Variants in PCSK5 observed in about 807,000 individuals in gnomAD.
PCSK5 encodes the protein proprotein convertase subtilisin/kexin type 5, also known as prohormone convertase 5.
In PCSK5, 129 loss-of-function variants were observed where a neutral mutation model predicts 233.2. The ratio of observed to expected loss-of-function variants is 0.55; its 90% confidence interval spans 0.48 to 0.64. PCSK5 has a LOEUF of 0.64. Among genes scored for constraint, PCSK5 ranks in the 30% least tolerant of loss-of-function variants. The pLI, the probability that PCSK5 is intolerant of heterozygous loss-of-function variation, is 0.00. For synonymous variants in PCSK5, 825 were observed against 879.2 expected (o/e 0.94, Z 1.09); for missense variants, 2,076 against 2,430.1 (o/e 0.85, Z 3.06).
intron 1 of PCSK5, among the ~76,000 whole-genome samples, 183 bp downstream of exon 1, chr9:75,891,556 CACACA>C (rs1825603083): frequency 1.3e-5 from 2 of 151,950 alleles, no homozygotes; most frequent in African/African-American, 4.8e-5. Flanking sequence ...CACACACACA[CACACA>C]CACCCCAGAG....
chr9:76,158,878 A>C, intron 11 of PCSK5, 105 bp from the exon 12 acceptor site: 6 of 902,526 alleles, frequency 6.6e-6, no homozygotes, highest in Non-Finnish European at 1.1e-5. Flanking sequence ...GTATCCAGCT[A>C]TCAGCTGCTT....
At chr9:76,297,003 TG>T in intron 27 of PCSK5, 138 bp downstream of exon 27, 1 of 639,556 alleles carries the variant, frequency 1.6e-6, no homozygotes. Context: ...AGAATCAAGT[TG>T]GGATCGTTCC....
At chr9:76,136,875 A>G in intron 10 of PCSK5, among the ~76,000 whole-genome samples, 1 of 152,090 alleles carries the variant, frequency 6.6e-6, no homozygotes, top group Admixed American at 6.6e-5. Flanking sequence ...TTTGGAGTTC[A>G]GACATCACTA....
At chr9:76,238,051 A>C (rs1055915354) in intron 22 of PCSK5, among the ~76,000 whole-genome samples, 3 of 152,286 alleles carry the variant, frequency 2.0e-5, no homozygotes, top group Admixed American at 2.0e-4. Context: ...GACCCCGGTT[A>C]TTCTGAGTAA....
chr9:76,163,419 C>T (rs924489060), intron 12 of PCSK5, among the ~76,000 whole-genome samples: 9 of 152,238 alleles, frequency 5.9e-5, no homozygotes, highest in Non-Finnish European at 1.0e-4. Flanking sequence ...CACTCAGCAG[C>T]ATTCAGAACT....
chr9:76,200,351 T>C (rs903262911), intron 20 of PCSK5, among the ~76,000 whole-genome samples: 4 of 152,144 alleles, frequency 2.6e-5, no homozygotes, highest in African/African-American at 9.7e-5. Context: ...GCTGGCTTCT[T>C]CTCATCCCAC....
At position 76,096,118 on chromosome 9, in the gene PCSK5, A is replaced by G; in HGVS notation, c.1107+16A>G. On this transcript the variant is annotated intron_variant, in intron 8 of 37. Coordinates refer to ENST00000674117, the MANE Select transcript of PCSK5 (RefSeq NM_001372043.1). ...TAAGAAAATCGTACGTGACATGTGC[A>G]TGCCCATCATGATCTGTTTATTTAA... 1 of 1,558,824 alleles carries G rather than the reference A, an allele frequency of 6.4e-7. No individual in the cohort carries two copies. Among genetic ancestry groups the G allele is most frequent in the East Asian group, 2.2e-5 (1 of 44,570 alleles).
At chr9:75,901,214 A>T (rs913810459) in intron 1 of PCSK5, among the ~76,000 whole-genome samples, 1 of 152,194 alleles carries the variant, frequency 6.6e-6, no homozygotes, top group African/African-American at 2.4e-5. Context: ...AAGACTTGGA[A>T]CCAACCCAAA....
intron 20 of PCSK5, among the ~76,000 whole-genome samples, chr9:76,196,787 G>A (rs1268798904): frequency 6.6e-6 from 1 of 152,178 alleles, no homozygotes; most frequent in Non-Finnish European, 1.5e-5. Flanking sequence ...AGAGGTGAAT[G>A]TATTATCCTC....
In PCSK5 at chr9:76,360,960, G is replaced by A. The variant is rs1830421545; in HGVS notation, c.*2038G>A. On this transcript the variant is annotated 3_prime_UTR_variant, in exon 38 of 38. Transcript: ENST00000674117. The stretch of plus-strand genomic sequence containing the variant: ...GGTGGTGGGTCAGATTTGGCCAACA[G>A]GCTGTACTTTGCTGACTTTATCTTT... 6.6e-6 allele frequency: 1 copy of A among 152,030 alleles called. No individual in the cohort carries two copies. Among genetic ancestry groups the A allele is most frequent in the South Asian group, 2.1e-4 (1 of 4,818 alleles). The allele number at this position is 152,030 out of a possible 1,614,324, so 9.4% of individuals were successfully genotyped here. A position where few individuals can be genotyped will look rare whatever the true frequency, so the allele number is the denominator to read the frequency against.
At chr9:76,325,157 G>A (rs1026620075) in intron 32 of PCSK5, among the ~76,000 whole-genome samples, 25 of 152,124 alleles carry the variant, frequency 1.6e-4, no homozygotes, top group Admixed American at 1.2e-3. Context: ...GCGGGTGTTC[G>A]TGTGGGAGGC....
At chr9:76,028,894 A>C (rs552407874) in intron 5 of PCSK5, among the ~76,000 whole-genome samples, 61 of 152,330 alleles carry the variant, frequency 4.0e-4, no homozygotes, top group African/African-American at 1.5e-3. Context: ...AAAGGTTAGA[A>C]GCAAGATGGA....
intron 1 of PCSK5, among the ~76,000 whole-genome samples, chr9:75,927,456 GTCC>G (rs1245766477): frequency 1.6e-4 from 24 of 152,144 alleles, no homozygotes; most frequent in Non-Finnish European, 3.4e-4. Flanking sequence ...GTGACCAACT[GTCC>G]CTATTTCAGC....
intron 37 of PCSK5, among the ~76,000 whole-genome samples, chr9:76,355,315 A>C (rs544769941): frequency 6.6e-6 from 1 of 152,224 alleles, no homozygotes; most frequent in South Asian, 2.1e-4. Context: ...TACTAAAAAT[A>C]CAAAAAAATT....
chr9:76,125,593 T>C (rs924308339), intron 9 of PCSK5, among the ~76,000 whole-genome samples: 2 of 152,236 alleles, frequency 1.3e-5, no homozygotes, highest in Non-Finnish European at 2.9e-5. Flanking sequence ...CTTTTGATAG[T>C]ATGTATGCCT....
At chr9:76,235,000 G>A (rs930765242) in intron 22 of PCSK5, among the ~76,000 whole-genome samples, 3 of 152,126 alleles carry the variant, frequency 2.0e-5, no homozygotes, top group Non-Finnish European at 4.4e-5. Context: ...ACCTGGGAAC[G>A]CTGCACTTCC....
chr9:76,007,843 T>TGTGTGTGTGTGTGTGTG (rs1461510203), intron 3 of PCSK5, among the ~76,000 whole-genome samples: 1 of 150,624 alleles, frequency 6.6e-6, no homozygotes, highest in Non-Finnish European at 1.5e-5. Flanking sequence ...TGTGTGTGTA[T>TGTGTGTGTGTGTGTGTG]TTTTTGTAGC....
chr9:76,225,124 C>T (rs987117717), intron 20 of PCSK5, among the ~76,000 whole-genome samples: 8 of 152,070 alleles, frequency 5.3e-5, no homozygotes, highest in Non-Finnish European at 1.0e-4. Flanking sequence ...CTGTGTACAC[C>T]CTTGCTCTTC....
At chr9:76,080,116 C>T (rs1266132446) in intron 7 of PCSK5, among the ~76,000 whole-genome samples, 2 of 152,104 alleles carry the variant, frequency 1.3e-5, no homozygotes, top group African/African-American at 2.4e-5. Flanking sequence ...TCCCTGAAGC[C>T]GTTGTCCCAC....
Sources: gnomAD v4.1 joint callset for allele counts (sites outside exome capture counted in the v4.1 genomes callset) on GRCh38, gnomAD v4.1.1 for gene constraint, MANE v1.5 for transcripts, NCBI Gene and HGNC (gene_info 2026-07-23, HGNC 2026-07-21) for gene names.